Variants in MTA3 observed in about 807,000 individuals in gnomAD.
MTA3 encodes metastasis associated 1 family member 3.
In MTA3, 34 loss-of-function variants were observed where a neutral mutation model predicts 83.5. The observed-to-expected ratio is 0.41, with a 90% CI of 0.31 to 0.54. The LOEUF (loss-of-function observed/expected upper bound fraction) is 0.54. MTA3 is among the 20% of genes least tolerant of loss of function. The pLI, the probability that MTA3 is intolerant of heterozygous loss-of-function variation, is 0.33. For missense variants in MTA3, 761 were observed against 726.4 expected (o/e 1.05, Z -0.55); for synonymous variants, 303 against 252.7 (o/e 1.20, Z -1.89).
intron 2 of MTA3, among the ~76,000 whole-genome samples, chr2:42,507,072 T>C (rs1674668348): frequency 6.6e-6 from 1 of 152,148 alleles, no homozygotes. Flanking sequence ...GGCTAATTTT[T>C]TAATTTTTTG....
At chr2:42,657,024 CTATTT>C (rs1417067394) in intron 7 of MTA3, among the ~76,000 whole-genome samples, 1 of 151,940 alleles carries the variant, frequency 6.6e-6, no homozygotes, top group Non-Finnish European at 1.5e-5. Flanking sequence ...GTGTACAAAA[CTATTT>C]TATTAGTGGA....
Position 42,513,524 on chromosome 2 carries a change from A to G in MTA3, c.-141+18270A>G, listed in dbSNP as rs553269086. On this transcript the variant is annotated intron_variant, in intron 2 of 17. Coordinates refer to the MTA3 transcript ENST00000405592. ...ACTCCGTGTTAAAGCCTCCTGGCCA[A>G]TAGTGAGGCCACATCTAAACCTAGC... Among the ~76,000 whole-genome samples the G allele has an allele frequency of 8.5e-5, 13 of 152,344 alleles. No individual in the cohort carries two copies. In the South Asian group the frequency reaches 2.5e-3, roughly 29 times the overall value.
chr2:42,530,436 G>C (rs375685217), intron 2 of MTA3, among the ~76,000 whole-genome samples: 21 of 151,440 alleles, frequency 1.4e-4, no homozygotes, highest in African/African-American at 4.6e-4. Context: ...GCAGTGAGCC[G>C]AGATGGCGCC....
chr2:42,707,186 C>T (rs959318006), intron 12 of MTA3, among the ~76,000 whole-genome samples: 4 of 151,964 alleles, frequency 2.6e-5, no homozygotes, highest in Admixed American at 2.0e-4. Flanking sequence ...TCCCTGAGTA[C>T]CTTAAATAAT....
At chr2:42,591,929 G>A (rs146701119) in intron 3 of MTA3, among the ~76,000 whole-genome samples, 2,042 of 152,106 alleles carry the variant, frequency 0.013, 35 homozygotes, top group African/African-American at 0.042. Context: ...GATTACAGGC[G>A]TGAGCCACCG....
intron 2 of MTA3, among the ~76,000 whole-genome samples, chr2:42,571,441 T>C (rs1678470058): frequency 6.6e-6 from 1 of 151,590 alleles, no homozygotes; most frequent in Non-Finnish European, 1.5e-5. Flanking sequence ...TGCACGATTC[T>C]GAATTCCGAA....
At chr2:42,663,619 G>A (rs1042489679) in intron 8 of MTA3, among the ~76,000 whole-genome samples, 2 of 152,112 alleles carry the variant, frequency 1.3e-5, no homozygotes, top group African/African-American at 4.8e-5. Flanking sequence ...AAACAAATTA[G>A]CCAGGCATGG....
chr2:42,552,553 T>C (rs1254225201), intron 2 of MTA3, among the ~76,000 whole-genome samples: 1 of 151,212 alleles, frequency 6.6e-6, no homozygotes, highest in Non-Finnish European at 1.5e-5. Flanking sequence ...GCCCAGGAGT[T>C]TGAGGCTGCA....
At chr2:42,566,589 C>T (rs1406160229), upstream of MTA3, among the ~76,000 whole-genome samples, 1 of 152,094 alleles carries the variant, frequency 6.6e-6, no homozygotes, top group Non-Finnish European at 1.5e-5. Context: ...TGAGGCTGTT[C>T]CTAAGGGGAC....
Position 42,719,089 on chromosome 2 carries a change from A to G in MTA3, c.1612+15A>G, listed in dbSNP as rs1438611103. On this transcript the variant is annotated intron_variant, in intron 15 of 16. Transcript: ENST00000405094. ...TGGGTATTTAGGTGGGTATTTTCTAATAGAGGAAAAACTCAAAGAGCAATT... is the reference window on the plus strand; with the variant it reads ...TGGGTATTTAGGTGGGTATTTTCTAGTAGAGGAAAAACTCAAAGAGCAATT... 2.7e-5 allele frequency: 41 copies of G among 1,528,744 alleles called. No homozygotes were observed. Among genetic ancestry groups the G allele is most frequent in the Middle Eastern group, 1.7e-4 (1 of 5,954 alleles). The allele number at this position is 1,528,744 out of a possible 1,614,324, so 94.7% of individuals were successfully genotyped here.
Position 42,753,407 on chromosome 2 carries a change from C to T in MTA3, c.*8C>T. The T allele has an allele frequency of 6.4e-7, 1 of 1,550,572 alleles. No individual in the cohort carries two copies. The highest frequency in any genetic ancestry group is 8.7e-7 in the Non-Finnish European group (1 of 1,146,968). Reference sequence around the variant, plus strand: ...TGCTGTGTGTCAGACTGAGCTTTCCCTGATTCATTCTACAATCCAAGACTT... The same window carrying T: ...TGCTGTGTGTCAGACTGAGCTTTCCTTGATTCATTCTACAATCCAAGACTT... On this transcript the variant is annotated 3_prime_UTR_variant, in exon 17 of 17. Coordinates refer to ENST00000405094, the MANE Select transcript of MTA3 (RefSeq NM_001330442.2).
At chr2:42,698,131 G>T (rs535003234) in intron 11 of MTA3, among the ~76,000 whole-genome samples, 1 of 152,164 alleles carries the variant, frequency 6.6e-6, no homozygotes, top group African/African-American at 2.4e-5. Context: ...AAGCAAATGT[G>T]TTTCAGAAAG....
chr2:42,550,376 C>T (rs1357138197), intron 2 of MTA3, among the ~76,000 whole-genome samples: 3 of 152,116 alleles, frequency 2.0e-5, no homozygotes, highest in African/African-American at 7.2e-5. Flanking sequence ...TTTCAGCATC[C>T]ACTGGGGGTC....
intron 6 of MTA3, among the ~76,000 whole-genome samples, chr2:42,653,723 A>G (rs1310404989): frequency 6.6e-6 from 1 of 152,228 alleles, no homozygotes; most frequent in African/African-American, 2.4e-5. Flanking sequence ...TACTTCTGCT[A>G]TATGCTGCAG....
intron 2 of MTA3, among the ~76,000 whole-genome samples, chr2:42,496,330 A>T (rs1316450431): frequency 6.6e-6 from 1 of 152,236 alleles, no homozygotes; most frequent in African/African-American, 2.4e-5. Flanking sequence ...CCACTGCTGC[A>T]GCAGCAATAC....
chr2:42,628,677 G>T (rs541410510), intron 4 of MTA3, among the ~76,000 whole-genome samples: 1 of 151,926 alleles, frequency 6.6e-6, no homozygotes, highest in South Asian at 2.1e-4. Flanking sequence ...CTTTCAGTTA[G>T]CTCACTGAAT....
chr2:42,590,860 A>T (rs1680905375), intron 3 of MTA3, among the ~76,000 whole-genome samples: 1 of 151,968 alleles, frequency 6.6e-6, no homozygotes, highest in Admixed American at 6.6e-5. Context: ...ACCTCAAGTG[A>T]TCTGCCCGCC....
chr2:42,672,736 A>G (rs1411996541), intron 8 of MTA3, among the ~76,000 whole-genome samples: 2 of 145,876 alleles, frequency 1.4e-5, no homozygotes, highest in Admixed American at 6.9e-5. Context: ...GGTTGATTTG[A>G]GTGGATGCCA....
rs923525712 is a variant in MTA3 at position 42,699,124 on chromosome 2, C to T, written c.1025+1290C>T. Among the ~76,000 whole-genome samples, 9 of 152,180 alleles carry T rather than the reference C, an allele frequency of 5.9e-5. No individual in the cohort carries two copies. The South Asian group carries it at 1.9e-3, about 31-fold the overall frequency. On this transcript the variant is annotated intron_variant, in intron 11 of 16. Coordinates refer to ENST00000405094, the MANE Select transcript of MTA3 (RefSeq NM_001330442.2). ...ACGCTGACTTTGGAGTCAATGTAATCTAAGTCAGGGATCAACAAACTATAG... is the reference window on the plus strand; with the variant it reads ...ACGCTGACTTTGGAGTCAATGTAATTTAAGTCAGGGATCAACAAACTATAG...
Sources: gnomAD v4.1 joint callset for allele counts (sites outside exome capture counted in the v4.1 genomes callset) on GRCh38, gnomAD v4.1.1 for gene constraint, MANE v1.5 for transcripts, NCBI Gene and HGNC (gene_info 2026-07-23, HGNC 2026-07-21) for gene names.